Variants in ZNF573 observed in about 807,000 individuals in gnomAD.
The protein encoded by ZNF573 is zinc finger protein 573.
ZNF573 carries 41 observed loss-of-function variants against 57.4 expected under a neutral mutation model. The ratio of observed to expected loss-of-function variants is 0.71; its 90% CI spans 0.56 to 0.93. ZNF573 has a LOEUF of 0.93. Among genes scored for constraint, ZNF573 ranks in the 40% least tolerant of loss-of-function variants. ZNF573 has a pLI of 0.00. For missense variants in ZNF573, 730 were observed against 794.8 expected, an observed-to-expected ratio of 0.92 and a Z score of 0.98; for synonymous variants, 249 against 261.0, an observed-to-expected ratio of 0.95 and a Z score of 0.44.
At chr19:37,769,882 T>C (rs2045639011) in intron 4 of ZNF573, 123 bp downstream of exon 4, 1 of 756,600 alleles carries the variant, frequency 1.3e-6, no homozygotes, top group Non-Finnish European at 2.3e-6. Context: ...AACCAGGTTG[T>C]AGGCCTTTGC....
intron 4 of ZNF573, among the ~76,000 whole-genome samples, chr19:37,766,310 G>C (rs1190074045): frequency 6.6e-6 from 1 of 152,138 alleles, no homozygotes; most frequent in Non-Finnish European, 1.5e-5. Context: ...CCCACACTCA[G>C]CCTTGAAACA....
chr19:37,763,645 A>G (rs1172536537), intron 4 of ZNF573, among the ~76,000 whole-genome samples: 1 of 152,230 alleles, frequency 6.6e-6, no homozygotes, highest in African/African-American at 2.4e-5. Context: ...TATATATTTC[A>G]TAATATGATT....
intron 2 of ZNF573, among the ~76,000 whole-genome samples, chr19:37,772,431 C>T (rs1434029968): frequency 1.3e-5 from 2 of 151,744 alleles, no homozygotes; most frequent in African/African-American, 4.8e-5. Flanking sequence ...CTGCACCTGG[C>T]CAATCTCCAT....
At chr19:37,746,044 G>A (rs955821205) in intron 4 of ZNF573, among the ~76,000 whole-genome samples, 1 of 152,152 alleles carries the variant, frequency 6.6e-6, no homozygotes, top group Admixed American at 6.5e-5. Context: ...AAAGGATCAA[G>A]ATTGTATAGA....
At chr19:37,747,585 C>T (rs1023625005) in intron 4 of ZNF573, among the ~76,000 whole-genome samples, 8 of 152,080 alleles carry the variant, frequency 5.3e-5, no homozygotes, top group African/African-American at 1.7e-4. Flanking sequence ...AAAAATAGTA[C>T]ATTTGGAGTG....
chr19:37,776,321 A>G (rs2045708780), intron 1 of ZNF573, among the ~76,000 whole-genome samples: 1 of 152,234 alleles, frequency 6.6e-6, no homozygotes, highest in Non-Finnish European at 1.5e-5. Context: ...AGAACCCAGA[A>G]TAAAGCCAAA....
intron 4 of ZNF573, among the ~76,000 whole-genome samples, chr19:37,760,155 C>T (rs2045537530): frequency 1.3e-5 from 2 of 152,182 alleles, no homozygotes; most frequent in Admixed American, 1.3e-4. Flanking sequence ...TTAAGAGGGC[C>T]TAGCACGAAG....
At chr19:37,745,803 A>C (rs548886722) in intron 4 of ZNF573, among the ~76,000 whole-genome samples, 1 of 152,354 alleles carries the variant, frequency 6.6e-6, no homozygotes, top group African/African-American at 2.4e-5. Context: ...AAGGGTTATA[A>C]ATAATTCTGT....
intron 4 of ZNF573, among the ~76,000 whole-genome samples, chr19:37,749,720 C>T (rs1444797222): frequency 6.6e-6 from 1 of 152,158 alleles, no homozygotes; most frequent in African/African-American, 2.4e-5. Flanking sequence ...ATTCTCTCAA[C>T]ACTGATGAAG....
intron 4 of ZNF573, chr19:37,740,654 T>G (rs186413886): frequency 3.2e-4 from 144 of 453,240 alleles, no homozygotes; most frequent in African/African-American, 2.7e-3. Flanking sequence ...GGAGGTCTCA[T>G]GTCAAAACAT....
chr19:37,745,273 C>T (rs991398103), intron 4 of ZNF573, among the ~76,000 whole-genome samples: 2 of 152,018 alleles, frequency 1.3e-5, no homozygotes, highest in African/African-American at 2.4e-5. Context: ...GATGAGGTTT[C>T]GCCATGTTGG....
At position 37,773,652 on chromosome 19, in the gene ZNF573, T is replaced by A. The variant is rs1236082833; in HGVS notation, c.69+9A>T. On this transcript the variant is annotated intron_variant, in intron 2 of 4. Coordinates refer to ENST00000536220, the MANE Select transcript of ZNF573 (RefSeq NM_001172690.2). ...TGATATTGCAAGGAAACAGAATTAA[T>A]CAACTTACACAGGTCATGGTTTTAG... The A allele has an allele frequency of 2.0e-6, 3 of 1,532,686 alleles. No individual in the cohort carries two copies. Among genetic ancestry groups the A allele is most frequent in the Non-Finnish European group, 2.6e-6 (3 of 1,144,314 alleles). 94.9% of individuals were successfully genotyped at this position (1,532,686 alleles called of 1,614,324 possible).
At chr19:37,744,535 CAAGACCAGCCTGGGCAACACAAT>C (rs898354957) in intron 4 of ZNF573, among the ~76,000 whole-genome samples, 4 of 151,864 alleles carry the variant, frequency 2.6e-5, no homozygotes, top group Non-Finnish European at 5.9e-5. Context: ...CCCAGGAGTT[CAAGACCAGCCTGGGCAACACAAT>C]AAGACCTCTT....
chr19:37,745,061 C>T (rs1322003574), intron 4 of ZNF573, among the ~76,000 whole-genome samples: 2 of 151,374 alleles, frequency 1.3e-5, no homozygotes, highest in Middle Eastern at 3.2e-3. Flanking sequence ...GGATTACAGG[C>T]GTGAGCCACC....
chr19:37,756,412 C>A (rs773260667), intron 4 of ZNF573, among the ~76,000 whole-genome samples: 2 of 152,068 alleles, frequency 1.3e-5, no homozygotes, highest in Non-Finnish European at 2.9e-5. Flanking sequence ...AACTCCTCAA[C>A]GGAGGTGCAT....
At chr19:37,763,274 T>C (rs539215450) in intron 4 of ZNF573, among the ~76,000 whole-genome samples, 1 of 151,686 alleles carries the variant, frequency 6.6e-6, no homozygotes, top group Non-Finnish European at 1.5e-5. Context: ...ATTATAAATA[T>C]ATACTTAGGT....
At chr19:37,759,291 T>C (rs930618514) in intron 4 of ZNF573, among the ~76,000 whole-genome samples, 20 of 152,138 alleles carry the variant, frequency 1.3e-4, no homozygotes, top group Admixed American at 1.2e-3. Context: ...AACAATTTCT[T>C]TTACATCAAG....
chr19:37,775,998 T>C (rs2045705100), intron 1 of ZNF573, among the ~76,000 whole-genome samples: 1 of 152,120 alleles, frequency 6.6e-6, no homozygotes, highest in Non-Finnish European at 1.5e-5. Flanking sequence ...CACAAACAGA[T>C]GGAAGCACAT....
intron 1 of ZNF573, among the ~76,000 whole-genome samples, chr19:37,777,019 C>T (rs181740626): frequency 1.3e-5 from 2 of 152,148 alleles, no homozygotes; most frequent in Non-Finnish European, 2.9e-5. Flanking sequence ...GAAGAGAGAA[C>T]ACTTCTACAC....
Sources: gnomAD v4.1 joint callset for allele counts (sites outside exome capture counted in the v4.1 genomes callset) on GRCh38, gnomAD v4.1.1 for gene constraint, MANE v1.5 for transcripts, NCBI Gene and HGNC (gene_info 2026-07-23, HGNC 2026-07-21) for gene names.